Variants in TRIR observed in about 807,000 individuals in gnomAD.
TRIR encodes telomerase RNA component-interacting RNase.
TRIR carries 5 observed loss-of-function variants against 18.2 expected under a neutral mutation model. That is an observed-to-expected ratio of 0.27 (90% confidence interval 0.14 to 0.58). TRIR has a LOEUF of 0.58. Ranked by LOEUF, TRIR falls within the 20% of genes least tolerant of loss-of-function variation. TRIR has a pLI of 0.91. For synonymous variants in TRIR, 134 were observed against 114.4 expected (o/e 1.17, Z -1.10); for missense variants, 206 against 252.8 (o/e 0.81, Z 1.25).
chr19:12,732,181 G>C (rs1272015207), intron 1 of TRIR, among the ~76,000 whole-genome samples: 1 of 150,992 alleles, frequency 6.6e-6, no homozygotes, highest in African/African-American at 2.4e-5. Context: ...TCATAGATGA[G>C]GAAAGTCTTT....
Position 12,730,838 on chromosome 19 carries a change from G to T in TRIR, c.*123C>A. ...CCTGGAGAATCGTCCACGGCTGCGG[G>T]AAGCATCTCGGTTTCCTTCTGCTTT... On this transcript the variant is annotated 3_prime_UTR_variant, in exon 3 of 3. Transcript: ENST00000242784. 1.2e-6 allele frequency: 1 copy of T among 861,414 alleles called. No individual in the cohort carries two copies. The highest frequency in any genetic ancestry group is 1.9e-6 in the Non-Finnish European group (1 of 530,864). The allele number at this position is 861,414 out of a possible 1,614,324, so 53.4% of individuals were successfully genotyped here.
chr19:12,733,719 T>C (rs1012977900), intron 1 of TRIR, among the ~76,000 whole-genome samples: 1 of 152,118 alleles, frequency 6.6e-6, no homozygotes, highest in African/African-American at 2.4e-5. Context: ...AGAGATGCTA[T>C]GATGTCTATT....
rs998868252 is a variant in TRIR, at chr19:12,734,051, C to G, written c.345+262G>C. Among the ~76,000 whole-genome samples the G allele has an allele frequency of 1.1e-4, 16 of 152,340 alleles. No individual in the cohort carries two copies. Among genetic ancestry groups the G allele is most frequent in the African/African-American group, 3.8e-4 (16 of 41,578 alleles). Reference sequence around the variant, plus strand: ...ACCACTCAAACAGGAATCCTGATATCCACGTTTCCTCATTCTCCACAGTGC... The same window carrying G: ...ACCACTCAAACAGGAATCCTGATATGCACGTTTCCTCATTCTCCACAGTGC... On this transcript the variant is annotated intron_variant, in intron 1 of 2. Transcript: ENST00000242784. This position sits in a 1 kb window ranked among gnomAD's most constrained non-coding sequence, Gnocchi z 4.1.
chr19:12,731,474 G>T lies in TRIR; in HGVS notation c.346-53C>A, dbSNP rs1158890167. On this transcript the variant is annotated intron_variant, in intron 1 of 2. Coordinates refer to ENST00000242784, the MANE Select transcript of TRIR (RefSeq NM_024038.4). This position sits in a 1 kb window ranked among gnomAD's most constrained non-coding sequence, Gnocchi z 5.1. ...GGTTACAGGAGCCGGGACCGCCCTT[G>T]GCGGCGCTGAGGCCCACTACACCTT... 6.4e-7 allele frequency: 1 copy of T among 1,562,932 alleles called. No homozygotes were observed. Among genetic ancestry groups the T allele is most frequent in the Admixed American group, 1.8e-5 (1 of 56,152 alleles).
chr19:12,734,331 C>T lies in TRIR; in HGVS notation c.327G>A (p.Pro109=). The T allele has an allele frequency of 2.8e-6, 4 of 1,436,594 alleles. No homozygotes were observed. Among genetic ancestry groups the T allele is most frequent in the Non-Finnish European group, 3.7e-6 (4 of 1,094,298 alleles). 89.0% of individuals were successfully genotyped at this position (1,436,594 alleles called of 1,614,324 possible). The change falls in exon 1 of 3, where the codon CCG becomes CCA. Residue 109 remains proline (P), a synonymous_variant. Coordinates refer to ENST00000242784, the MANE Select transcript of TRIR (RefSeq NM_024038.4). The surrounding 1 kb of genome is among the most constrained non-coding windows in gnomAD (Gnocchi z 4.1). Reference sequence around the variant, plus strand: ...TCCTTACGAAGCTAAGTGTGGAGCCCGGACCGCCCTTCCTCTTCGGATCCC... The same window carrying T: ...TCCTTACGAAGCTAAGTGTGGAGCCTGGACCGCCCTTCCTCTTCGGATCCC... ...GPGDPKRKGG[P]GSTLSFVGKR... is the part of the protein sequence containing the mutation.
chr19:12,734,189 T>A lies in TRIR; in HGVS notation c.345+124A>T. The A allele has an allele frequency of 4.0e-6, 4 of 1,006,780 alleles. No individual in the cohort carries two copies. The highest frequency in any genetic ancestry group is 4.0e-5 in the Admixed American group (1 of 25,208). 62.4% of individuals were successfully genotyped at this position (1,006,780 alleles called of 1,614,324 possible). A position where few individuals can be genotyped will look rare whatever the true frequency, so the allele number is the denominator to read the frequency against. ...ATCCAAGTTCCACACCCTCAGCGGG[T>A]GACCCGGACGGGCCCCTCATTCAGA... On this transcript the variant is annotated intron_variant, in intron 1 of 2. Transcript: ENST00000242784. The surrounding 1 kb of genome is among the most constrained non-coding windows in gnomAD (Gnocchi z 4.1).
chr19:12,731,726 C>G lies in TRIR; in HGVS notation c.346-305G>C. ...CAGGGACCACAAGAGGTGGCAACAG[C>G]TCCCTTTATTGAGCATGTACTGTAT... On this transcript the variant is annotated intron_variant, in intron 1 of 2. Coordinates refer to ENST00000242784, the MANE Select transcript of TRIR (RefSeq NM_024038.4). This position sits in a 1 kb window ranked among gnomAD's most constrained non-coding sequence, Gnocchi z 5.1. 4.7e-6 allele frequency: 2 copies of G among 423,146 alleles called. No individual in the cohort carries two copies. The highest frequency in any genetic ancestry group is 6.6e-5 in the South Asian group (2 of 30,192). The allele number at this position is 423,146 out of a possible 1,614,324, so 26.2% of individuals were successfully genotyped here. A position where few individuals can be genotyped will look rare whatever the true frequency, so the allele number is the denominator to read the frequency against.
At position 12,731,558 on chromosome 19, in the gene TRIR, C is replaced by G. The variant is rs1967428507; in HGVS notation, c.346-137G>C. 1.1e-6 allele frequency: 1 copy of G among 894,612 alleles called. No homozygotes were observed. The highest frequency in any genetic ancestry group is 1.7e-6 in the Non-Finnish European group (1 of 596,046). The allele number at this position is 894,612 out of a possible 1,614,324, so 55.4% of individuals were successfully genotyped here. ...CGCCCAGCTCCGCCAGCCGGCCGAC[C>G]TGCGCAGCAATCAGAGAGGAGCACA... On this transcript the variant is annotated intron_variant, in intron 1 of 2. Coordinates refer to ENST00000242784, the MANE Select transcript of TRIR (RefSeq NM_024038.4). This position sits in a 1 kb window ranked among gnomAD's most constrained non-coding sequence, Gnocchi z 5.1.
In TRIR at chr19:12,730,792, TG is replaced by T. The variant is rs1408437169; in HGVS notation, c.*168del. 6 of 630,728 alleles carry T rather than the reference TG, an allele frequency of 9.5e-6. No individual in the cohort carries two copies. Among genetic ancestry groups the T allele is most frequent in the African/African-American group, 9.2e-5 (5 of 54,404 alleles). The allele number at this position is 630,728 out of a possible 1,614,324, so 39.1% of individuals were successfully genotyped here. A position where few individuals can be genotyped will look rare whatever the true frequency, so the allele number is the denominator to read the frequency against. ...GTTCTATGAAGTCTCACGAGGCAAG[TG>T]CTCAAGGTAAAAAAAGAGTCCTGGA... is the stretch of plus-strand genomic sequence containing the variant. On this transcript the variant is annotated 3_prime_UTR_variant, in exon 3 of 3. Coordinates refer to ENST00000242784, the MANE Select transcript of TRIR (RefSeq NM_024038.4).
chr19:12,732,124 C>CAAAAAAAAAAAAAA (rs34115155), intron 1 of TRIR, among the ~76,000 whole-genome samples: 1 of 79,788 alleles, frequency 1.3e-5, no homozygotes, highest in Non-Finnish European at 2.4e-5. Flanking sequence ...GACTCTGTCT[C>CAAAAAAAAAAAAAA]AAAAAAAAAA....
chr19:12,731,953 T>A lies in TRIR; in HGVS notation c.346-532A>T, dbSNP rs1482751936. ...GCCTGGCCAACATGGTGAAACCCCA[T>A]CTCTACTAAAAATACAAAAACTTAG... is the stretch of plus-strand genomic sequence containing the variant. On this transcript the variant is annotated intron_variant, in intron 1 of 2. Coordinates refer to ENST00000242784, the MANE Select transcript of TRIR (RefSeq NM_024038.4). The surrounding 1 kb of genome is among the most constrained non-coding windows in gnomAD (Gnocchi z 5.1). The A allele has an allele frequency of 6.6e-6, 1 of 152,586 alleles. No individual in the cohort carries two copies. The highest frequency in any genetic ancestry group is 1.5e-5 in the Non-Finnish European group (1 of 68,618). 9.5% of individuals were successfully genotyped at this position (152,586 alleles called of 1,614,324 possible).
rs1599439982 is a variant in TRIR, at chr19:12,731,285, G to A, written c.423+59C>T. 1.3e-6 allele frequency: 2 copies of A among 1,584,150 alleles called. No homozygotes were observed. The highest frequency in any genetic ancestry group is 4.5e-5 in the East Asian group (2 of 44,728). ...ACCAGACAGGGAGGGAGAAGGCTGGGCGCAAAAGCTGGAAGGGAAAGGCAA... is the reference window on the plus strand; with the variant it reads ...ACCAGACAGGGAGGGAGAAGGCTGGACGCAAAAGCTGGAAGGGAAAGGCAA... On this transcript the variant is annotated intron_variant, in intron 2 of 2. Coordinates refer to ENST00000242784, the MANE Select transcript of TRIR (RefSeq NM_024038.4). The surrounding 1 kb of genome is among the most constrained non-coding windows in gnomAD (Gnocchi z 5.1).
At position 12,731,233 on chromosome 19, in the gene TRIR, C is replaced by A; in HGVS notation, c.423+111G>T. The A allele has an allele frequency of 1.4e-6, 2 of 1,395,262 alleles. No individual in the cohort carries two copies. The highest frequency in any genetic ancestry group is 2.0e-6 in the Non-Finnish European group (2 of 986,708). 86.4% of individuals were successfully genotyped at this position (1,395,262 alleles called of 1,614,324 possible). On this transcript the variant is annotated intron_variant, in intron 2 of 2. Coordinates refer to ENST00000242784, the MANE Select transcript of TRIR (RefSeq NM_024038.4). This position sits in a 1 kb window ranked among gnomAD's most constrained non-coding sequence, Gnocchi z 5.1. ...ACCCATTGACAGCCCTCCTACCCTG[C>A]CAGGCACACTCATAAAAGGCCTGGA...
chr19:12,731,479 C>T lies in TRIR; in HGVS notation c.346-58G>A, dbSNP rs1331841980. The T allele has an allele frequency of 5.2e-6, 8 of 1,541,756 alleles. No individual in the cohort carries two copies. The highest frequency in any genetic ancestry group is 1.8e-5 in the Admixed American group (1 of 55,132). ...CAGGAGCCGGGACCGCCCTTGGCGGCGCTGAGGCCCACTACACCTTCCTAG... is the reference window on the plus strand; with the variant it reads ...CAGGAGCCGGGACCGCCCTTGGCGGTGCTGAGGCCCACTACACCTTCCTAG... On this transcript the variant is annotated intron_variant, in intron 1 of 2. Transcript: ENST00000242784. The surrounding 1 kb of genome is among the most constrained non-coding windows in gnomAD (Gnocchi z 5.1).
chr19:12,733,588 GC>G (rs1466581893), intron 1 of TRIR, among the ~76,000 whole-genome samples: 4 of 152,104 alleles, frequency 2.6e-5, no homozygotes, highest in Non-Finnish European at 5.9e-5. Flanking sequence ...TCCAGACTTT[GC>G]CAAATGTGGG....
At position 12,731,154 on chromosome 19, in the gene TRIR, C is replaced by A. The variant is rs1967420612; in HGVS notation, c.424-86G>T. ...GAGACAGGTGACCCATTCCCAGTGT[C>A]ACCCAGAAGACTCTGGGTTTGAGCT... On this transcript the variant is annotated intron_variant, in intron 2 of 2. Coordinates refer to ENST00000242784, the MANE Select transcript of TRIR (RefSeq NM_024038.4). The surrounding 1 kb of genome is among the most constrained non-coding windows in gnomAD (Gnocchi z 5.1). 3.8e-6 allele frequency: 5 copies of A among 1,323,344 alleles called. No individual in the cohort carries two copies. Among genetic ancestry groups the A allele is most frequent in the South Asian group, 1.2e-5 (1 of 84,860 alleles). 82.0% of individuals were successfully genotyped at this position (1,323,344 alleles called of 1,614,324 possible).
Position 12,734,541 on chromosome 19 carries a change from G to A in TRIR, c.117C>T (p.Ser39=). 6.5e-7 allele frequency: 1 copy of A among 1,532,790 alleles called. No homozygotes were observed. The highest frequency in any genetic ancestry group is 8.7e-7 in the Non-Finnish European group (1 of 1,143,496). 94.9% of individuals were successfully genotyped at this position (1,532,790 alleles called of 1,614,324 possible). The change falls in exon 1 of 3, where the codon AGC becomes AGT. Residue 39 remains serine (S), a synonymous_variant. Coordinates refer to ENST00000242784, the MANE Select transcript of TRIR (RefSeq NM_024038.4). The surrounding 1 kb of genome is among the most constrained non-coding windows in gnomAD (Gnocchi z 4.1). ...AESGSGTSPE[S]GDEEVSGAGS... is the part of the protein sequence containing the mutation. Reference sequence around the variant, plus strand: ...CCGCGCCCGACACCTCCTCGTCCCCGCTCTCGGGCGACGTCCCCGATCCCG... The same window carrying A: ...CCGCGCCCGACACCTCCTCGTCCCCACTCTCGGGCGACGTCCCCGATCCCG...
At chr19:12,732,399 C>T (rs1267909976) in intron 1 of TRIR, among the ~76,000 whole-genome samples, 2 of 152,088 alleles carry the variant, frequency 1.3e-5, no homozygotes, top group African/African-American at 4.8e-5. Flanking sequence ...CATGAAGGGA[C>T]TCCACTCGCA....
Position 12,731,456 on chromosome 19 carries a change from G to T in TRIR, c.346-35C>A. On this transcript the variant is annotated intron_variant, in intron 1 of 2. Coordinates refer to ENST00000242784, the MANE Select transcript of TRIR (RefSeq NM_024038.4). The surrounding 1 kb of genome is among the most constrained non-coding windows in gnomAD (Gnocchi z 5.1). ...GGGACAGAAGACTGCAACGGTTACA[G>T]GAGCCGGGACCGCCCTTGGCGGCGC... 6.3e-7 allele frequency: 1 copy of T among 1,597,134 alleles called. No homozygotes were observed.
Sources: gnomAD v4.1 joint callset for allele counts (sites outside exome capture counted in the v4.1 genomes callset) on GRCh38, gnomAD v4.1.1 for gene constraint, Gnocchi (gnomAD v3.1) non-coding constraint, MANE v1.5 for transcripts, NCBI Gene and HGNC (gene_info 2026-07-23, HGNC 2026-07-21) for gene names.